MAPK9: variants seen among roughly 807,000 people sequenced by gnomAD.
The protein encoded by MAPK9 is mitogen-activated protein kinase 9.
A neutral mutation model predicts 57.1 loss-of-function variants in MAPK9; 30 were observed. That is an observed-to-expected ratio of 0.53 (90% CI 0.39 to 0.71). MAPK9 has a LOEUF of 0.71. MAPK9 is among the 30% of genes least tolerant of loss of function. The pLI, the probability that MAPK9 is intolerant of heterozygous loss-of-function variation, is 0.00. For synonymous variants in MAPK9, 155 were observed against 177.0 expected (o/e 0.88, Z 0.99); for missense variants, 362 against 521.0 (o/e 0.69, Z 2.97).
At chr5:180,282,543 C>T (rs1762398417) in intron 1 of MAPK9, among the ~76,000 whole-genome samples, 1 of 152,220 alleles carries the variant, frequency 6.6e-6, no homozygotes, top group Non-Finnish European at 1.5e-5. Flanking sequence ...GAGGCGGCAT[C>T]CGCCCTCAGA....
At chr5:180,249,473 C>T (rs577044523) in intron 5 of MAPK9, among the ~76,000 whole-genome samples, 1 of 151,992 alleles carries the variant, frequency 6.6e-6, no homozygotes, top group African/African-American at 2.4e-5. Context: ...CACGCCTGGA[C>T]TTGAGTTCCC....
At chr5:180,286,010 G>A (rs1045737230) in intron 1 of MAPK9, among the ~76,000 whole-genome samples, 7 of 149,126 alleles carry the variant, frequency 4.7e-5, no homozygotes, top group Non-Finnish European at 4.5e-5. Context: ...AACCTGGGAG[G>A]CGGAGCTTGC....
chr5:180,269,208 C>A, intron 3 of MAPK9, 72 bp downstream of exon 3: 2 of 1,470,260 alleles, frequency 1.4e-6, no homozygotes, highest in Non-Finnish European at 1.9e-6. Context: ...CAATGTATCT[C>A]CAGAAAACCC....
At chr5:180,238,263 C>CT in intron 11 of MAPK9, 69 bp downstream of exon 11, 1 of 1,271,686 alleles carries the variant, frequency 7.9e-7, no homozygotes, top group Non-Finnish European at 1.1e-6. Context: ...GAACGAAACT[C>CT]TGTCTCAAAA....
rs1481668598 is a variant in MAPK9 at position 180,291,950 on chromosome 5, C to T, written c.-150G>A. On this transcript the variant is annotated 5_prime_UTR_variant, in exon 1 of 12. Transcript: ENST00000452135. The stretch of plus-strand genomic sequence containing the variant: ...TCCGCGGCCCCGGCTCCGCCGCCGG[C>T]CCGCCCCGCTCCGCTCCGCCCCGCC... 3 of 144,706 alleles carry T rather than the reference C, an allele frequency of 2.1e-5. No individual in the cohort carries two copies. Among genetic ancestry groups the T allele is most frequent in the Non-Finnish European group, 3.0e-5 (2 of 67,608 alleles). 9.0% of individuals were successfully genotyped at this position (144,706 alleles called of 1,614,324 possible).
At chr5:180,270,036 A>G (rs1204457465) in intron 2 of MAPK9, among the ~76,000 whole-genome samples, 1 of 152,230 alleles carries the variant, frequency 6.6e-6, no homozygotes, top group Non-Finnish European at 1.5e-5. Context: ...CTGTGTTTCC[A>G]GCATCTCGTT....
chr5:180,242,627 C>G lies in MAPK9; in HGVS notation c.817G>C (p.Glu273Gln). Residue 273 changes from glutamate (E) to glutamine (Q), a missense_variant, in exon 8 of 12, where the codon GAA becomes CAA. By Grantham distance (29) the Glu-to-Gln change is conservative (BLOSUM62 2). Coordinates refer to ENST00000452135, the MANE Select transcript of MAPK9 (RefSeq NM_002752.5). ...RPKYPGIKFE[E>Q]LFPDWIFPSE... Reference sequence around the variant, plus strand: ...GGGAATATCCAATCTGGAAAGAGTTCTTCAAATTTGATTCCAGGATACTTT... The same window carrying G: ...GGGAATATCCAATCTGGAAAGAGTTGTTCAAATTTGATTCCAGGATACTTT... 1 of 1,614,114 alleles carries G rather than the reference C, an allele frequency of 6.2e-7. No homozygotes were observed. Among genetic ancestry groups the G allele is most frequent in the East Asian group, 2.2e-5 (1 of 44,868 alleles).
chr5:180,260,285 G>C (rs957133688), intron 5 of MAPK9, among the ~76,000 whole-genome samples: 2 of 152,140 alleles, frequency 1.3e-5, no homozygotes, highest in Non-Finnish European at 2.9e-5. Context: ...ACTGGAGATG[G>C]ATCTTTAAAT....
intron 7 of MAPK9, among the ~76,000 whole-genome samples, chr5:180,244,121 T>C (rs1757881434): frequency 6.6e-6 from 1 of 152,114 alleles, no homozygotes; most frequent in Non-Finnish European, 1.5e-5. Context: ...AGTGCTGGGA[T>C]TATAGGTGTG....
At chr5:180,289,194 G>C (rs916690000) in intron 1 of MAPK9, among the ~76,000 whole-genome samples, 2 of 152,092 alleles carry the variant, frequency 1.3e-5, no homozygotes, top group Non-Finnish European at 2.9e-5. Flanking sequence ...TGGTTTGTCT[G>C]GTCCTTTTCT....
chr5:180,250,030 T>C (rs1758514016), intron 5 of MAPK9, among the ~76,000 whole-genome samples: 1 of 152,060 alleles, frequency 6.6e-6, no homozygotes, highest in Admixed American at 6.6e-5. Context: ...TCCAATCTTC[T>C]CACCTTCGCC....
intron 6 of MAPK9, 38 bp downstream of exon 6, chr5:180,248,935 T>A (rs1423826968): frequency 6.4e-7 from 1 of 1,556,148 alleles, no homozygotes; most frequent in Non-Finnish European, 8.7e-7. Flanking sequence ...GAGCAATTTC[T>A]AAACATCCCA....
intron 5 of MAPK9, among the ~76,000 whole-genome samples, chr5:180,254,901 G>A (rs1759103914): frequency 6.6e-6 from 1 of 152,152 alleles, no homozygotes; most frequent in Non-Finnish European, 1.5e-5. Context: ...GGGCGTGGTG[G>A]CGGACGCCTG....
intron 1 of MAPK9, among the ~76,000 whole-genome samples, chr5:180,290,392 T>C (rs538569220): frequency 6.6e-5 from 10 of 152,200 alleles, no homozygotes; most frequent in Non-Finnish European, 1.2e-4. Flanking sequence ...TTCCATGGCA[T>C]AGCCCCTCCC....
At chr5:180,252,451 G>A (rs1758810941) in intron 5 of MAPK9, among the ~76,000 whole-genome samples, 2 of 152,156 alleles carry the variant, frequency 1.3e-5, no homozygotes, top group Admixed American at 1.3e-4. Context: ...AGACTGGGAT[G>A]CAAGATACCA....
intron 9 of MAPK9, among the ~76,000 whole-genome samples, 185 bp from the exon 10 acceptor site, chr5:180,240,172 G>C (rs1025969911): frequency 1.4e-4 from 22 of 152,156 alleles, no homozygotes; most frequent in Admixed American, 9.2e-4. Context: ...AAATAATTAT[G>C]AAAAAGTTAA....
rs974668841 is a variant in MAPK9, at chr5:180,242,848, T to C, written c.689-93A>G. On this transcript the variant is annotated intron_variant, in intron 7 of 11. Transcript: ENST00000452135. ...TTGAATAATATTTAAACCTATCGAC[T>C]AGGCCACCCCACTGGATCAGCAGCG... is the stretch of plus-strand genomic sequence containing the variant. The C allele has an allele frequency of 7.8e-5, 71 of 913,094 alleles. 1 individual carries two copies. Among genetic ancestry groups the C allele is most frequent in the Admixed American group, 3.3e-4 (12 of 36,526 alleles). The allele number at this position is 913,094 out of a possible 1,614,324, so 56.6% of individuals were successfully genotyped here.
intron 7 of MAPK9, among the ~76,000 whole-genome samples, chr5:180,243,354 G>C (rs200192178): frequency 1.3e-5 from 2 of 152,200 alleles, no homozygotes; most frequent in East Asian, 3.8e-4. Context: ...CGTGACCTGG[G>C]TTTCAGACTC....
intron 2 of MAPK9, chr5:180,279,791 T>A (rs1300973775): frequency 2.2e-6 from 1 of 456,078 alleles, no homozygotes; most frequent in Middle Eastern, 3.5e-4. Flanking sequence ...TGTGAAGAGC[T>A]TTACCTTGAG....
Sources: gnomAD v4.1 joint callset for allele counts (sites outside exome capture counted in the v4.1 genomes callset) on GRCh38, gnomAD v4.1.1 for gene constraint, MANE v1.5 for transcripts, NCBI Gene and HGNC (gene_info 2026-07-23, HGNC 2026-07-21) for gene names.